The following SLC36A1 variants were observed in gnomAD, a reference collection of about 807,000 sequenced individuals.
The protein encoded by SLC36A1 is solute carrier family 36 member 1.
A neutral mutation model predicts 47.5 loss-of-function variants in SLC36A1; 30 were observed. That is an observed-to-expected ratio of 0.63 (90% confidence interval 0.47 to 0.86). The LOEUF (loss-of-function observed/expected upper bound fraction) is 0.86. Ranked by LOEUF, SLC36A1 falls within the 40% of genes least tolerant of loss-of-function variation. The pLI, the probability that SLC36A1 is intolerant of heterozygous loss-of-function variation, is 0.00. For synonymous variants in SLC36A1, 255 were observed against 249.7 expected, an observed-to-expected ratio of 1.02 and a Z score of -0.20; for missense variants, 517 against 606.0, an observed-to-expected ratio of 0.85 and a Z score of 1.54.
At chr5:151,493,026 GTA>G (rs924484779), downstream of SLC36A1, among the ~76,000 whole-genome samples, 1 of 151,914 alleles carries the variant, frequency 6.6e-6, no homozygotes, top group Admixed American at 6.6e-5. Flanking sequence ...GTGTGTGTGT[GTA>G]TATATATATC....
At chr5:151,497,406 T>C in the SLC36A1 span, among the ~76,000 whole-genome samples, 2 of 152,238 alleles carry the variant, frequency 1.3e-5, no homozygotes, top group African/African-American at 4.8e-5. Flanking sequence ...GATTTTTGAA[T>C]ATTGAACTGG....
chr5:151,525,453 A>T, the SLC36A1 span, among the ~76,000 whole-genome samples: 1 of 152,168 alleles, frequency 6.6e-6, no homozygotes, highest in Non-Finnish European at 1.5e-5. Flanking sequence ...CAGAGCAGGG[A>T]TTAAGAATTT....
In SLC36A1 at chr5:151,467,304, G is replaced by GAAA. The variant is rs373057431; in HGVS notation, c.504+35_504+37dup. 2,204 of 808,332 alleles carry GAAA rather than the reference G, an allele frequency of 2.7e-3. 13 individuals are homozygous for GAAA. Among genetic ancestry groups the GAAA allele is most frequent in the South Asian group, 9.0e-3 (501 of 55,398 alleles). The allele number at this position is 808,332 out of a possible 1,614,324, so 50.1% of individuals were successfully genotyped here. ...AACAGGTAGGCACCTGGTTAAAAAA[G>GAAA]AAAAAAAAAAAAAAAACCAGAGCGA... On this transcript the variant is annotated intron_variant, in intron 6 of 10. Coordinates refer to ENST00000243389, the MANE Select transcript of SLC36A1 (RefSeq NM_078483.4).
At chr5:151,515,487 A>G in the SLC36A1 span, among the ~76,000 whole-genome samples, 5 of 152,102 alleles carry the variant, frequency 3.3e-5, no homozygotes, top group African/African-American at 1.2e-4. Context: ...TGGAGGTCTA[A>G]TGGGCATCTG....
At chr5:151,506,518 A>G in the SLC36A1 span, among the ~76,000 whole-genome samples, 3 of 152,200 alleles carry the variant, frequency 2.0e-5, no homozygotes, top group Non-Finnish European at 4.4e-5. Context: ...ATGAAATGAG[A>G]TGTGGCTCGG....
At chr5:151,534,951 G>T in the SLC36A1 span, among the ~76,000 whole-genome samples, 1 of 107,138 alleles carries the variant, frequency 9.3e-6, no homozygotes, top group African/African-American at 3.1e-5. Context: ...CCTTTGGTTC[G>T]TAATTCCACT....
upstream of SLC36A1, among the ~76,000 whole-genome samples, chr5:151,445,432 G>A (rs1200055504): frequency 1.3e-5 from 2 of 152,190 alleles, no homozygotes; most frequent in Non-Finnish European, 2.9e-5. Context: ...AAATCAGCCT[G>A]TAATTTTCTT....
At position 151,465,045 on chromosome 5, in the gene SLC36A1, G is replaced by A. The variant is rs1371958580; in HGVS notation, c.324-29G>A. 3 of 1,556,062 alleles carry A rather than the reference G, an allele frequency of 1.9e-6. No homozygotes were observed. In the African/African-American group the frequency reaches 4.1e-5, roughly 21 times the overall value. Reference sequence around the variant, plus strand: ...TGTCATTGTCTAATCCACGTGCTCTGTCCTTCCTCTTCCCTCCTACTCTTC... The same window carrying A: ...TGTCATTGTCTAATCCACGTGCTCTATCCTTCCTCTTCCCTCCTACTCTTC... On this transcript the variant is annotated intron_variant, in intron 4 of 10. Transcript: ENST00000243389.
At chr5:151,444,777 G>A (rs1409663446), upstream of SLC36A1, among the ~76,000 whole-genome samples, 1 of 152,202 alleles carries the variant, frequency 6.6e-6, no homozygotes. Context: ...GAGCCACTGA[G>A]CCCAGTCATG....
At chr5:151,518,927 G>A in the SLC36A1 span, among the ~76,000 whole-genome samples, 1 of 152,188 alleles carries the variant, frequency 6.6e-6, no homozygotes, top group Admixed American at 6.5e-5. Context: ...CAGTTGTCAG[G>A]GGAGAGGATG....
chr5:151,526,121 G>T, the SLC36A1 span, among the ~76,000 whole-genome samples: 1 of 152,322 alleles, frequency 6.6e-6, no homozygotes, highest in South Asian at 2.1e-4. Flanking sequence ...CATTCTGCCT[G>T]CCTTTGAGGT....
chr5:151,409,186 G>A, the SLC36A1 span, among the ~76,000 whole-genome samples: 2 of 151,666 alleles, frequency 1.3e-5, no homozygotes, highest in Non-Finnish European at 2.9e-5. Flanking sequence ...TTTTGGTAGA[G>A]ACAGGGTTTT....
At chr5:151,550,485 TG>T in the SLC36A1 span, 2 of 1,280,884 alleles carry the variant, frequency 1.6e-6, no homozygotes, top group Non-Finnish European at 2.2e-6. Context: ...GTCTCGTGCA[TG>T]GTCCTTATGA....
At chr5:151,500,264 A>G in the SLC36A1 span, among the ~76,000 whole-genome samples, 12 of 152,146 alleles carry the variant, frequency 7.9e-5, no homozygotes, top group Non-Finnish European at 1.8e-4. Context: ...TCTGTGACTT[A>G]CCTTATTTAA....
the SLC36A1 span, among the ~76,000 whole-genome samples, chr5:151,549,780 A>G: frequency 6.6e-6 from 1 of 152,238 alleles, no homozygotes; most frequent in Admixed American, 6.5e-5. Context: ...TCCAAATTAC[A>G]TCTCAGAGAA....
At chr5:151,531,808 G>A in the SLC36A1 span, 3 of 1,613,536 alleles carry the variant, frequency 1.9e-6, no homozygotes, top group East Asian at 2.2e-5. The surrounding 1 kb of genome is among the most constrained non-coding windows in gnomAD (Gnocchi z 5.7). Flanking sequence ...CGTGGACAGC[G>A]GTATTGGGGT....
chr5:151,518,591 T>C, the SLC36A1 span, among the ~76,000 whole-genome samples: 1 of 152,050 alleles, frequency 6.6e-6, no homozygotes, highest in Non-Finnish European at 1.5e-5. Flanking sequence ...AGGTAAACAA[T>C]AAAATGCGGC....
At chr5:151,538,013 G>A in the SLC36A1 span, 2 of 1,455,800 alleles carry the variant, frequency 1.4e-6, no homozygotes, top group South Asian at 1.3e-5. Flanking sequence ...GAGAAGCAGA[G>A]TGACTGACTG....
At chr5:151,555,690 A>G in the SLC36A1 span, among the ~76,000 whole-genome samples, 1 of 152,186 alleles carries the variant, frequency 6.6e-6, no homozygotes, top group Non-Finnish European at 1.5e-5. Context: ...GTTTCTTACC[A>G]AAGGAAAAAG....
Sources: gnomAD v4.1 joint callset for allele counts (sites outside exome capture counted in the v4.1 genomes callset) on GRCh38, gnomAD v4.1.1 for gene constraint, Gnocchi (gnomAD v3.1) non-coding constraint, MANE v1.5 for transcripts, NCBI Gene and HGNC (gene_info 2026-07-23, HGNC 2026-07-21) for gene names.